Variants in PTPRD observed in about 807,000 individuals in gnomAD.
PTPRD encodes the protein receptor-type tyrosine-protein phosphatase delta.
PTPRD carries 34 observed loss-of-function variants against 214.5 expected under a neutral mutation model. That is an observed-to-expected ratio of 0.16 (90% confidence interval 0.12 to 0.21). PTPRD has a LOEUF of 0.21. Ranked by LOEUF, PTPRD falls within the 10% of genes least tolerant of loss-of-function variation. PTPRD has a pLI of 1.00. For missense variants in PTPRD, 2,545 were observed against 2,398.7 expected, an observed-to-expected ratio of 1.06 and a Z score of -1.27; for synonymous variants, 1,128 against 845.7, an observed-to-expected ratio of 1.33 and a Z score of -5.79.
chr9:10,364,521 G>A (rs886251605), intron 2 of PTPRD, among the ~76,000 whole-genome samples: 1 of 152,142 alleles, frequency 6.6e-6, no homozygotes, highest in Non-Finnish European at 1.5e-5. Flanking sequence ...CCTAACTGCT[G>A]TACTCCAGGC....
chr9:9,508,374 T>C (rs1420169232), intron 8 of PTPRD, among the ~76,000 whole-genome samples: 2 of 151,538 alleles, frequency 1.3e-5, no homozygotes, highest in Non-Finnish European at 3.0e-5. Flanking sequence ...TCCCCAAAAA[T>C]GACCTTTCGT....
Position 8,785,722 on chromosome 9 carries a change from A to G in PTPRD, c.-103-51776T>C, listed in dbSNP as rs1445698561. ...TAAACAAGGAGTGGTTATGCTGGCCATTGAGTAAAAATATCTGTAATTCCT... is the reference window on the plus strand; with the variant it reads ...TAAACAAGGAGTGGTTATGCTGGCCGTTGAGTAAAAATATCTGTAATTCCT... On this transcript the variant is annotated intron_variant, in intron 11 of 45. Coordinates refer to ENST00000381196, the MANE Select transcript of PTPRD (RefSeq NM_002839.4). Among the ~76,000 whole-genome samples the G allele has an allele frequency of 3.3e-5, 5 of 152,364 alleles. No individual in the cohort carries two copies. The East Asian group carries it at 9.6e-4, about 29-fold the overall frequency.
At position 9,755,291 on chromosome 9, in the gene PTPRD, AC is replaced by A. The variant is rs1287035316; in HGVS notation, c.-326+11518del. ...TCCCTTTAAAATCACTGAGTATGCT[AC>A]CTTTTGTAGAATTTGAGAAGGAATT... On this transcript the variant is annotated intron_variant, in intron 6 of 45. Transcript: ENST00000381196. Among the ~76,000 whole-genome samples, 5 of 152,140 alleles carry A rather than the reference AC, an allele frequency of 3.3e-5. No individual in the cohort carries two copies. In the East Asian group the frequency reaches 7.7e-4, roughly 24 times the overall value.
chr9:9,770,221 A>T (rs943261143), intron 5 of PTPRD, among the ~76,000 whole-genome samples: 6 of 152,164 alleles, frequency 3.9e-5, no homozygotes, highest in African/African-American at 1.4e-4. Flanking sequence ...TTACACTCAC[A>T]CCAAAAGTGT....
At position 9,686,126 on chromosome 9, in the gene PTPRD, T is replaced by A. The variant is rs777057972; in HGVS notation, c.-287+48407A>T. On this transcript the variant is annotated intron_variant, in intron 7 of 45. Transcript: ENST00000381196. ...AACTAGATGCTCTATATCTGTTGGA[T>A]TTTTGTTGTTGCTGTTGTTGAAATA... is the stretch of plus-strand genomic sequence containing the variant. Among the ~76,000 whole-genome samples the A allele has an allele frequency of 2.4e-4, 37 of 151,356 alleles. 1 individual carries two copies. The highest frequency in any genetic ancestry group is 4.9e-4 in the Non-Finnish European group (33 of 67,528).
intron 14 of PTPRD, among the ~76,000 whole-genome samples, chr9:8,595,178 T>A (rs977298973): frequency 1.3e-5 from 2 of 151,778 alleles, no homozygotes; most frequent in Non-Finnish European, 2.9e-5. Context: ...ACCTGTTTTT[T>A]TTTTTTTTTT....
chr9:10,104,025 G>A (rs922213792), intron 3 of PTPRD, among the ~76,000 whole-genome samples: 1 of 151,756 alleles, frequency 6.6e-6, no homozygotes, highest in South Asian at 2.1e-4. Context: ...CCATGTGTAG[G>A]AAACTTAAGG....
chr9:10,553,055 C>CCATT (rs1256894843), intron 2 of PTPRD, among the ~76,000 whole-genome samples: 5 of 152,114 alleles, frequency 3.3e-5, no homozygotes. Context: ...CTCCAGTTGA[C>CCATT]CATTCCCTGA....
chr9:9,754,940 AG>A (rs2098554428), intron 6 of PTPRD, among the ~76,000 whole-genome samples: 1 of 152,042 alleles, frequency 6.6e-6, no homozygotes, highest in Non-Finnish European at 1.5e-5. Context: ...TTTGCAAAGC[AG>A]GTTAGACTTT....
Position 8,375,991 on chromosome 9 carries a change from G to T in PTPRD, c.4606C>A (p.Arg1536Ser). Residue 1536 changes from arginine to serine, a missense_variant, in exon 39 of 46, where the codon CGT (arginine) becomes AGT (serine). By Grantham distance (110) the Arg-to-Ser change is moderately radical. Coordinates refer to ENST00000381196, the MANE Select transcript of PTPRD (RefSeq NM_002839.4). ...EHPTPFLAFL[R>S]RVKTCNPPDA... The stretch of plus-strand genomic sequence containing the variant: ...GGAGGGTTACAGGTTTTGACTCTAC[G>T]TAAGAAAGCTAGAAAAGGTGTAGGG... 6.2e-7 allele frequency: 1 copy of T among 1,612,916 alleles called. No individual in the cohort carries two copies. Among genetic ancestry groups the T allele is most frequent in the Non-Finnish European group, 8.5e-7 (1 of 1,179,238 alleles).
chr9:10,033,213 A>T (rs1490867145), intron 4 of PTPRD, among the ~76,000 whole-genome samples: 1 of 151,852 alleles, frequency 6.6e-6, no homozygotes, highest in Non-Finnish European at 1.5e-5. Context: ...TGTTGCTGAG[A>T]AACATGATAC....
At chr9:9,320,351 G>T (rs1248038647) in intron 9 of PTPRD, among the ~76,000 whole-genome samples, 1 of 152,090 alleles carries the variant, frequency 6.6e-6, no homozygotes, top group Non-Finnish European at 1.5e-5. Context: ...GCTATGTTTG[G>T]TGAGAACCCC....
chr9:9,956,906 A>G (rs2093971603), intron 4 of PTPRD, among the ~76,000 whole-genome samples: 1 of 152,176 alleles, frequency 6.6e-6, no homozygotes. Context: ...TATTAGATGA[A>G]AAGAAAAGAT....
chr9:9,986,587 T>C (rs894194778), intron 4 of PTPRD, among the ~76,000 whole-genome samples: 11 of 152,202 alleles, frequency 7.2e-5, no homozygotes, highest in Admixed American at 7.2e-4. Flanking sequence ...AGGCTTGTAT[T>C]GTTTTCTTAA....
chr9:9,829,887 A>C (rs766215140), intron 5 of PTPRD, among the ~76,000 whole-genome samples: 1 of 151,728 alleles, frequency 6.6e-6, no homozygotes, highest in Non-Finnish European at 1.5e-5. Flanking sequence ...TGTTTATAAA[A>C]TTTTTGAGCC....
At chr9:8,327,648 C>A (rs942129176) in intron 44 of PTPRD, among the ~76,000 whole-genome samples, 1 of 151,994 alleles carries the variant, frequency 6.6e-6, no homozygotes, top group Non-Finnish European at 1.5e-5. Context: ...TTAAAGTCTC[C>A]CACTATTATT....
At chr9:10,233,675 C>G (rs551526156) in intron 3 of PTPRD, among the ~76,000 whole-genome samples, 1 of 151,888 alleles carries the variant, frequency 6.6e-6, no homozygotes, top group South Asian at 2.1e-4. Flanking sequence ...ATTATTAGTT[C>G]TGTCAAAAAT....
intron 14 of PTPRD, among the ~76,000 whole-genome samples, chr9:8,609,309 G>A (rs973096344): frequency 1.8e-4 from 27 of 152,172 alleles, no homozygotes; most frequent in African/African-American, 6.3e-4. Flanking sequence ...ACTCCATAAA[G>A]GGCAGCAGCA....
At chr9:10,468,061 A>G (rs1032895537) in intron 2 of PTPRD, among the ~76,000 whole-genome samples, 2 of 152,170 alleles carry the variant, frequency 1.3e-5, no homozygotes, top group African/African-American at 4.8e-5. Context: ...TGGGAGTGTA[A>G]ATTAGTTCAA....
Sources: allele counts gnomAD v4.1 joint callset (sites outside exome capture counted in the v4.1 genomes callset), GRCh38; gene constraint gnomAD v4.1.1; transcripts MANE v1.5; gene names NCBI Gene and HGNC (gene_info 2026-07-23, HGNC 2026-07-21).